The following DIXDC1 variants were observed in gnomAD, a reference collection of about 807,000 sequenced individuals.
DIXDC1 encodes the protein DIX domain containing 1, also known as dixin.
In DIXDC1, 64 loss-of-function variants were observed where a neutral mutation model predicts 103.1. The ratio of observed to expected loss-of-function variants is 0.62; its 90% CI spans 0.51 to 0.76. DIXDC1 has a LOEUF of 0.76. Ranked by LOEUF, DIXDC1 falls within the 30% of genes least tolerant of loss-of-function variation. The pLI, the probability that DIXDC1 is intolerant of heterozygous loss-of-function variation, is 0.00. For missense variants in DIXDC1, 759 were observed against 834.2 expected (o/e 0.91, Z 1.11); for synonymous variants, 266 against 298.5 (o/e 0.89, Z 1.12).
At chr11:111,973,808 T>C (rs587610628) in intron 3 of DIXDC1, among the ~76,000 whole-genome samples, 7 of 152,380 alleles carry the variant, frequency 4.6e-5, no homozygotes, top group African/African-American at 1.4e-4. Flanking sequence ...AAGAATCCTG[T>C]ACTTCTCTTA....
At chr11:111,973,952 A>G (rs1860015533) in intron 3 of DIXDC1, 71 bp from the exon 4 acceptor site, 4 of 1,437,852 alleles carry the variant, frequency 2.8e-6, no homozygotes, top group Non-Finnish European at 3.8e-6. Context: ...ATAAATGCAG[A>G]AGTCCTCAGC....
At chr11:111,952,058 G>T (rs185515513) in intron 1 of DIXDC1, among the ~76,000 whole-genome samples, 3 of 152,012 alleles carry the variant, frequency 2.0e-5, no homozygotes, top group Non-Finnish European at 4.4e-5. Context: ...TACAGATGGG[G>T]TTTCACCATG....
chr11:111,953,950 A>G (rs1555170322), intron 1 of DIXDC1, among the ~76,000 whole-genome samples: 1 of 151,136 alleles, frequency 6.6e-6, no homozygotes, highest in Non-Finnish European at 1.5e-5. Flanking sequence ...CTGAGTAGCT[A>G]CAGACTTTTT....
intron 19 of DIXDC1, 47 bp from the exon 20 acceptor site, chr11:112,018,909 A>C: frequency 6.5e-7 from 1 of 1,531,736 alleles, no homozygotes; most frequent in Non-Finnish European, 9.0e-7. Context: ...TGTTTAGTGA[A>C]TCAGATTCCC....
At position 111,995,445 on chromosome 11, in the gene DIXDC1, C is replaced by T. The variant is rs782497515; in HGVS notation, c.1570C>T (p.Arg524Cys). ...TGTTCGAGATGCTCTCCGCAGCCTG[C>T]GCAACAGCTTCAGTGGCCACGATCC... ...QLVRDALRSL[R>C]NSFSGHDPQH... Residue 524 changes from arginine to cysteine, a missense_variant, in exon 16 of 20, where the codon CGC becomes TGC. Physicochemically the swap from Arg to Cys is radical, Grantham distance 180. Around this residue, in one of 3 missense-constraint regions of DIXDC1, gnomAD observed 657 missense variants for 727.5 expected, o/e 0.90. Transcript: ENST00000440460. The T allele has an allele frequency of 2.8e-5, 45 of 1,613,482 alleles. No individual in the cohort carries two copies. The highest frequency in any genetic ancestry group is 1.7e-4 in the Middle Eastern group (1 of 5,900).
chr11:111,931,374 G>T (rs1555167663), intron 2 of DIXDC1, among the ~76,000 whole-genome samples: 1 of 152,014 alleles, frequency 6.6e-6, no homozygotes, highest in Non-Finnish European at 1.5e-5. Flanking sequence ...GTCAGGCCAG[G>T]TGCGGTGGCT....
chr11:111,967,151 T>TTGTA (rs1555171641), intron 2 of DIXDC1, among the ~76,000 whole-genome samples: 10 of 152,202 alleles, frequency 6.6e-5, no homozygotes, highest in Non-Finnish European at 1.0e-4. Flanking sequence ...CCTAAGTGAT[T>TTGTA]TCTTCCCAAA....
intron 1 of DIXDC1, among the ~76,000 whole-genome samples, chr11:111,939,824 A>C (rs1555168630): frequency 6.6e-6 from 1 of 152,110 alleles, no homozygotes; most frequent in South Asian, 2.1e-4. Context: ...CAGTAATATC[A>C]ATTTATTTTT....
chr11:112,003,798 CA>C (rs59350997), intron 17 of DIXDC1, among the ~76,000 whole-genome samples: 7 of 148,854 alleles, frequency 4.7e-5, no homozygotes, highest in African/African-American at 1.2e-4. Flanking sequence ...AGCTCTGTCT[CA>C]AAAAAAAAGG....
intron 10 of DIXDC1, among the ~76,000 whole-genome samples, chr11:111,989,949 C>T (rs587599271): frequency 1.3e-4 from 20 of 150,894 alleles, no homozygotes; most frequent in Middle Eastern, 6.9e-3. Flanking sequence ...CCACCACGCC[C>T]GGCTAATTTT....
chr11:111,969,656 G>T (rs1169429852), intron 3 of DIXDC1, among the ~76,000 whole-genome samples: 3 of 152,146 alleles, frequency 2.0e-5, no homozygotes, highest in Non-Finnish European at 2.9e-5. Flanking sequence ...CTATAGACCT[G>T]GTTTTGTTTC....
chr11:111,973,932 G>C, intron 3 of DIXDC1, 91 bp from the exon 4 acceptor site: 1 of 1,248,926 alleles, frequency 8.0e-7, no homozygotes, highest in Admixed American at 2.2e-5. Flanking sequence ...TGTATCACTA[G>C]CAATATGTAA....
intron 2 of DIXDC1, among the ~76,000 whole-genome samples, chr11:111,965,778 G>T (rs1859708380): frequency 6.6e-6 from 1 of 152,072 alleles, no homozygotes; most frequent in Non-Finnish European, 1.5e-5. Context: ...ATGCTATTTT[G>T]ATTTATTTAT....
chr11:111,983,326 G>A (rs1182747507), intron 7 of DIXDC1, among the ~76,000 whole-genome samples: 1 of 152,204 alleles, frequency 6.6e-6, no homozygotes, highest in Non-Finnish European at 1.5e-5. Context: ...AACAGGGTGG[G>A]GACACAAAAG....
chr11:111,983,134 G>T (rs1860373249), intron 7 of DIXDC1, among the ~76,000 whole-genome samples: 1 of 152,156 alleles, frequency 6.6e-6, no homozygotes, highest in Non-Finnish European at 1.5e-5. Flanking sequence ...TCTCTGTTTG[G>T]GGGAGCGCTT....
intron 10 of DIXDC1, among the ~76,000 whole-genome samples, chr11:111,991,730 T>C (rs587644211): frequency 9.2e-5 from 14 of 152,208 alleles, no homozygotes; most frequent in African/African-American, 3.4e-4. Context: ...TCATAGGAAA[T>C]TGGGAAGAGG....
At chr11:111,980,935 G>A (rs1860282335) in intron 6 of DIXDC1, 86 bp downstream of exon 6, 5 of 1,090,864 alleles carry the variant, frequency 4.6e-6, no homozygotes, top group African/African-American at 1.6e-5. Flanking sequence ...AAGCTCCCTG[G>A]CCTTCCCCAT....
In DIXDC1 at chr11:111,994,248, C is replaced by T. The variant is rs180824591; in HGVS notation, c.1437+508C>T. ...CTAAAAATTACAAAAATTAGCCAGG[C>T]GTGGTGGTGGATGCCTGTAGTCCCA... On this transcript the variant is annotated intron_variant, in intron 14 of 19. Transcript: ENST00000440460. 2.5e-3 allele frequency among the ~76,000 whole-genome samples: 384 copies of T among 152,070 alleles called. 3 individuals are homozygous for T. The highest frequency in any genetic ancestry group is 8.2e-3 in the African/African-American group (341 of 41,472).
chr11:111,998,949 C>T lies in DIXDC1; in HGVS notation c.1756+2803C>T, dbSNP rs1158076899. 6.6e-6 allele frequency among the ~76,000 whole-genome samples: 1 copy of T among 152,210 alleles called. No individual in the cohort carries two copies. The highest frequency in any genetic ancestry group is 2.4e-5 in the African/African-American group (1 of 41,460). The stretch of plus-strand genomic sequence containing the variant: ...TAGAGAGGGAAAAATACAGAATATA[C>T]AATCAAACAGATCTAGGGTACAATT... On this transcript the variant is annotated intron_variant, in intron 17 of 19. Transcript: ENST00000440460. The surrounding 1 kb of genome is among the most constrained non-coding windows in gnomAD (Gnocchi z 4.1).
Sources: gnomAD v4.1 joint callset for allele counts (sites outside exome capture counted in the v4.1 genomes callset) on GRCh38, gnomAD v4.1.1 for gene constraint, gnomAD v4.1.1 regional missense constraint, Gnocchi (gnomAD v3.1) non-coding constraint, MANE v1.5 for transcripts, NCBI Gene and HGNC (gene_info 2026-07-23, HGNC 2026-07-21) for gene names.